Variants in EFCAB6 observed in about 807,000 individuals in gnomAD.
EFCAB6 encodes EF-hand calcium-binding domain-containing protein 6.
A neutral mutation model predicts 169.8 loss-of-function variants in EFCAB6; 156 were observed. The observed-to-expected ratio is 0.92, with a 90% CI of 0.81 to 1.05. The LOEUF is 1.05. EFCAB6 is among the 50% of genes least tolerant of loss of function. EFCAB6 has a pLI of 0.00. For missense variants in EFCAB6, 1,800 were observed against 1,829.1 expected (o/e 0.98, Z 0.29); for synonymous variants, 698 against 676.4 (o/e 1.03, Z -0.50).
At chr22:43,757,189 T>C (rs141068557) in intron 5 of EFCAB6, among the ~76,000 whole-genome samples, 1 of 152,332 alleles carries the variant, frequency 6.6e-6, no homozygotes, top group East Asian at 1.9e-4. Flanking sequence ...TTAAATGTAA[T>C]CTCTTAAATA....
intron 17 of EFCAB6, among the ~76,000 whole-genome samples, chr22:43,638,986 T>A (rs137737): frequency 6.6e-6 from 1 of 151,768 alleles, no homozygotes; most frequent in Non-Finnish European, 1.5e-5. Context: ...GGTTTCTCCA[T>A]GTTGATCAGG....
At chr22:43,580,807 C>A (rs2050673558) in intron 24 of EFCAB6, 148 bp from the exon 25 acceptor site, 2 of 783,298 alleles carry the variant, frequency 2.6e-6, no homozygotes, top group East Asian at 5.1e-5. Flanking sequence ...GCAGACATGG[C>A]AGTTAGCTCT....
Position 43,744,071 on chromosome 22 carries a change from G to A in EFCAB6, c.508-8078C>T, listed in dbSNP as rs1291054527. Among the ~76,000 whole-genome samples the A allele has an allele frequency of 1.3e-5, 2 of 149,502 alleles. No individual in the cohort carries two copies. Among genetic ancestry groups the A allele is most frequent in the East Asian group, 2.0e-4 (1 of 4,996 alleles). On this transcript the variant is annotated intron_variant, in intron 6 of 31. Transcript: ENST00000262726. This position sits in a 1 kb window ranked among gnomAD's most constrained non-coding sequence, Gnocchi z 4.3. The stretch of plus-strand genomic sequence containing the variant: ...GTTATGGATGCATGGATGGATGAAC[G>A]GATGAATGGATGAATGATGAATGAA...
chr22:43,662,204 T>TAATAAC (rs892112990), intron 17 of EFCAB6, among the ~76,000 whole-genome samples: 6 of 144,146 alleles, frequency 4.2e-5, no homozygotes, highest in Admixed American at 4.1e-4. Context: ...ATAATAATAA[T>TAATAAC]TTATAGAGTA....
intron 26 of EFCAB6, 27 bp downstream of exon 26, chr22:43,576,270 A>G (rs1006219871): frequency 6.5e-7 from 1 of 1,546,598 alleles, no homozygotes; most frequent in African/African-American, 1.4e-5. Flanking sequence ...TTTCAAAGAG[A>G]TGCTTATGTG....
chr22:43,568,424 C>G (rs907770238), intron 26 of EFCAB6, among the ~76,000 whole-genome samples: 1 of 152,192 alleles, frequency 6.6e-6, no homozygotes, highest in African/African-American at 2.4e-5. Flanking sequence ...TGGTGCGACT[C>G]AACTCTGATG....
chr22:43,597,896 A>G lies in EFCAB6; in HGVS notation c.2876+2173T>C, dbSNP rs375168420. Among the ~76,000 whole-genome samples, 5 of 152,338 alleles carry G rather than the reference A, an allele frequency of 3.3e-5. No homozygotes were observed. In the East Asian group the frequency reaches 9.6e-4, roughly 29 times the overall value. ...CACAATGGAACATTATTTAGCCATA[A>G]AAAAGAAGAAAATCGTCATTCACAG... is the stretch of plus-strand genomic sequence containing the variant. On this transcript the variant is annotated intron_variant, in intron 23 of 31. Transcript: ENST00000262726.
intron 17 of EFCAB6, among the ~76,000 whole-genome samples, chr22:43,664,253 T>C (rs887647000): frequency 6.6e-6 from 1 of 152,142 alleles, no homozygotes; most frequent in African/African-American, 2.4e-5. Context: ...TGTCCATCAG[T>C]CCTCAGGGTG....
At position 43,543,537 on chromosome 22, in the gene EFCAB6, T is replaced by C. The variant is rs143068846; in HGVS notation, c.3649-3180A>G. 7.8e-3 allele frequency among the ~76,000 whole-genome samples: 1,194 copies of C among 152,216 alleles called. 8 individuals carry two copies. Among genetic ancestry groups the C allele is most frequent in the Non-Finnish European group, 0.013 (873 of 67,982 alleles). On this transcript the variant is annotated intron_variant, in intron 27 of 31. Coordinates refer to ENST00000262726, the MANE Select transcript of EFCAB6 (RefSeq NM_022785.4). Reference sequence around the variant, plus strand: ...ACCCCTCCTTCCTCCACTGGGAACCTCACCCAGGCTCTGGGGGAGGGGAAG... The same window carrying C: ...ACCCCTCCTTCCTCCACTGGGAACCCCACCCAGGCTCTGGGGGAGGGGAAG...
chr22:43,779,348 T>C (rs751422562), intron 3 of EFCAB6, among the ~76,000 whole-genome samples: 2 of 152,234 alleles, frequency 1.3e-5, no homozygotes, highest in Non-Finnish European at 2.9e-5. Flanking sequence ...TCTACAGTTA[T>C]ATGTTGTGCA....
At chr22:43,759,401 C>T (rs1029559093) in intron 5 of EFCAB6, 11 of 152,218 alleles carry the variant, frequency 7.2e-5, no homozygotes, top group African/African-American at 2.6e-4. Context: ...TTATAATGAC[C>T]GTTTTGTACA....
chr22:43,741,436 C>T (rs1603305563), intron 6 of EFCAB6, among the ~76,000 whole-genome samples: 1 of 152,226 alleles, frequency 6.6e-6, no homozygotes, highest in African/African-American at 2.4e-5. Flanking sequence ...CTCCATCCCA[C>T]GCTGCCGCTG....
intron 27 of EFCAB6, among the ~76,000 whole-genome samples, chr22:43,544,578 G>A (rs2047932388): frequency 1.3e-5 from 2 of 152,194 alleles, no homozygotes; most frequent in Non-Finnish European, 1.5e-5. Flanking sequence ...TCTGCTGGGA[G>A]GCAGTGGCAG....
intron 17 of EFCAB6, among the ~76,000 whole-genome samples, chr22:43,642,102 C>T (rs997734162): frequency 1.3e-5 from 2 of 152,070 alleles, no homozygotes; most frequent in South Asian, 2.1e-4. Context: ...ACACCACACC[C>T]GGCTAATTTT....
chr22:43,731,548 G>C, intron 8 of EFCAB6, 151 bp downstream of exon 8: 1 of 492,378 alleles, frequency 2.0e-6, no homozygotes, highest in East Asian at 3.4e-5. Flanking sequence ...AGGCATTGAC[G>C]TTATTCTTAT....
At chr22:43,790,857 T>C (rs2062259050) in intron 2 of EFCAB6, among the ~76,000 whole-genome samples, 1 of 152,190 alleles carries the variant, frequency 6.6e-6, no homozygotes, top group Admixed American at 6.5e-5. Context: ...AGTGATCAGA[T>C]TCCAGCCACA....
At chr22:43,611,257 A>G (rs2053280951) in intron 21 of EFCAB6, among the ~76,000 whole-genome samples, 1 of 152,210 alleles carries the variant, frequency 6.6e-6, no homozygotes, top group South Asian at 2.1e-4. Flanking sequence ...AATTGCCACA[A>G]AAAGAACAAA....
At chr22:43,574,978 T>G (rs1197472715) in intron 26 of EFCAB6, among the ~76,000 whole-genome samples, 1 of 152,178 alleles carries the variant, frequency 6.6e-6, no homozygotes, top group Non-Finnish European at 1.5e-5. Context: ...AAGCTGAACA[T>G]GGACCCGCCC....
chr22:43,612,609 C>T (rs375676112), intron 21 of EFCAB6, among the ~76,000 whole-genome samples: 4 of 152,208 alleles, frequency 2.6e-5, no homozygotes, highest in Admixed American at 6.5e-5. Flanking sequence ...ACTAAAAAGT[C>T]GGCCAGGTGT....
Sources: allele counts gnomAD v4.1 joint callset (sites outside exome capture counted in the v4.1 genomes callset), GRCh38; gene constraint gnomAD v4.1.1; non-coding constraint Gnocchi (gnomAD v3.1); transcripts MANE v1.5; gene names NCBI Gene and HGNC (gene_info 2026-07-23, HGNC 2026-07-21).